Variants in SAMMSON observed in about 807,000 individuals in gnomAD.
The protein encoded by SAMMSON is long intergenic non-protein coding RNA 1212.
At chr3:70,034,649 G>A (rs1006257264) in intron 3 of SAMMSON, among the ~76,000 whole-genome samples, 3 of 152,082 alleles carry the variant, frequency 2.0e-5, no homozygotes, top group Non-Finnish European at 4.4e-5. Context: ...TTCGAGACCA[G>A]CCTGGCCAAC....
chr3:70,052,760 A>C (rs1213363063), intron 3 of SAMMSON, among the ~76,000 whole-genome samples: 1 of 152,114 alleles, frequency 6.6e-6, no homozygotes, highest in African/African-American at 2.4e-5. Context: ...GAACAACCAA[A>C]AATGCCTCCA....
At chr3:70,283,581 A>G (rs550840226) in intron 6 of SAMMSON, 4 of 152,062 alleles carry the variant, frequency 2.6e-5, no homozygotes, top group Non-Finnish European at 5.9e-5. Context: ...CATCTATACA[A>G]TGAGCTTGGT....
chr3:70,217,072 T>G (rs1701419051), intron 4 of SAMMSON, among the ~76,000 whole-genome samples: 1 of 152,140 alleles, frequency 6.6e-6, no homozygotes, highest in Admixed American at 6.6e-5. Context: ...AATATTTTAT[T>G]TGTTTACTTG....
chr3:70,031,323 G>T (rs1467618361), intron 3 of SAMMSON, among the ~76,000 whole-genome samples: 1 of 152,022 alleles, frequency 6.6e-6, no homozygotes, highest in Non-Finnish European at 1.5e-5. Context: ...CTTATATGAG[G>T]TACCTATAAT....
At chr3:70,153,229 G>T (rs548794175) in intron 4 of SAMMSON, among the ~76,000 whole-genome samples, 2 of 151,960 alleles carry the variant, frequency 1.3e-5, no homozygotes, top group East Asian at 3.9e-4. Context: ...TTTTTTAAAT[G>T]ACTTTACAAA....
Position 70,260,357 on chromosome 3 carries a change from G to A in SAMMSON, n.674+10687G>A, listed in dbSNP as rs1055967413. Among the ~76,000 whole-genome samples the A allele has an allele frequency of 5.9e-5, 9 of 152,040 alleles. No homozygotes were observed. The South Asian group carries it at 8.3e-4, about 14-fold the overall frequency. ...TGGATTTAGGGGCCCACTCTACTCC[G>A]GTACGACTTTATCTTAAGTTAGCTA... On this transcript the variant is annotated intron_variant and non_coding_transcript_variant, in intron 6 of 9. Coordinates refer to ENST00000642114, the Ensembl canonical transcript of SAMMSON.
At chr3:70,019,649 C>T (rs566757218) in intron 3 of SAMMSON, among the ~76,000 whole-genome samples, 10 of 152,228 alleles carry the variant, frequency 6.6e-5, no homozygotes, top group Admixed American at 2.0e-4. Flanking sequence ...TTATTCTGCT[C>T]GTCAGTTGAT....
intron 2 of SAMMSON, among the ~76,000 whole-genome samples, chr3:70,396,858 G>T (rs754280166): frequency 2.0e-5 from 3 of 152,126 alleles, no homozygotes; most frequent in Non-Finnish European, 2.9e-5. Flanking sequence ...GGAAGTGTTG[G>T]GGAAGACAGA....
chr3:70,253,651 A>T (rs2092279044), intron 6 of SAMMSON, among the ~76,000 whole-genome samples: 1 of 152,188 alleles, frequency 6.6e-6, no homozygotes, highest in Admixed American at 6.5e-5. Flanking sequence ...TGAGCCCAGG[A>T]GTTCAATGCT....
intron 4 of SAMMSON, among the ~76,000 whole-genome samples, chr3:70,237,410 A>G (rs762497235): frequency 1.3e-5 from 2 of 152,174 alleles, no homozygotes; most frequent in South Asian, 2.1e-4. Flanking sequence ...AGACTTTTCT[A>G]TCTTGACCTC....
chr3:70,390,256 T>A (rs1456016577), downstream of SAMMSON, among the ~76,000 whole-genome samples: 5 of 152,220 alleles, frequency 3.3e-5, no homozygotes, highest in East Asian at 9.7e-4. Context: ...TTATTTAAGG[T>A]TCTAAGTTTG....
At chr3:70,208,372 CT>C (rs924307337) in intron 4 of SAMMSON, among the ~76,000 whole-genome samples, 8 of 152,110 alleles carry the variant, frequency 5.3e-5, no homozygotes, top group Non-Finnish European at 8.8e-5. Context: ...CCAAGTCCAT[CT>C]TTATTTCCCT....
intron 3 of SAMMSON, among the ~76,000 whole-genome samples, chr3:70,022,360 A>G (rs1175842550): frequency 1.3e-5 from 2 of 148,542 alleles, no homozygotes; most frequent in Non-Finnish European, 3.0e-5. Flanking sequence ...CCAACATGGC[A>G]CATGTATACA....
chr3:70,167,164 C>T (rs1410514808), intron 4 of SAMMSON, among the ~76,000 whole-genome samples: 3 of 151,886 alleles, frequency 2.0e-5, no homozygotes, highest in South Asian at 2.1e-4. Flanking sequence ...GTACTGTACA[C>T]GTTATATTTT....
chr3:70,000,040 C>T (rs1386071548), intron 1 of SAMMSON, among the ~76,000 whole-genome samples: 1 of 152,156 alleles, frequency 6.6e-6, no homozygotes, highest in African/African-American at 2.4e-5. Flanking sequence ...TACACCAAGG[C>T]GAGAAATCCG....
chr3:70,215,915 G>C (rs1701403164), intron 4 of SAMMSON, among the ~76,000 whole-genome samples: 1 of 152,066 alleles, frequency 6.6e-6, no homozygotes, highest in Admixed American at 6.6e-5. Flanking sequence ...TAGACTAACT[G>C]ATCCTAGTAA....
chr3:70,134,127 G>A (rs569322670), intron 4 of SAMMSON, among the ~76,000 whole-genome samples: 2 of 151,544 alleles, frequency 1.3e-5, no homozygotes, highest in Admixed American at 6.6e-5. Flanking sequence ...GGGCATGGTG[G>A]CAGGTGCCTG....
chr3:70,197,697 T>C (rs1382896879), intron 4 of SAMMSON, among the ~76,000 whole-genome samples: 2 of 152,254 alleles, frequency 1.3e-5, no homozygotes, highest in Non-Finnish European at 2.9e-5. Flanking sequence ...GAAAAGCACA[T>C]TTCAAAACTT....
At position 70,313,965 on chromosome 3, in the gene SAMMSON, G is replaced by A. The variant is rs146867478; in HGVS notation, n.739+22722G>A. ...CATTTTACTCCAACCTAATTGCATT[G>A]TGGCTGTTCCTTGGAGGGACTTGCT... On this transcript the variant is annotated intron_variant and non_coding_transcript_variant, in intron 7 of 9. Transcript: ENST00000642114. Among the ~76,000 whole-genome samples, 23 of 152,222 alleles carry A rather than the reference G, an allele frequency of 1.5e-4. No homozygotes were observed. The East Asian group carries it at 2.9e-3, about 19-fold the overall frequency.
Sources: gnomAD v4.1 joint callset for allele counts (sites outside exome capture counted in the v4.1 genomes callset) on GRCh38, gnomAD v4.1.1 for gene constraint, MANE v1.5 for transcripts, NCBI Gene and HGNC (gene_info 2026-07-23, HGNC 2026-07-21) for gene names.